Variants in TBC1D1 observed in about 807,000 individuals in gnomAD.
TBC1D1 encodes TBC1 domain family member 1.
TBC1D1 carries 89 observed loss-of-function variants against 125.6 expected under a neutral mutation model. The observed-to-expected ratio is 0.71, with a 90% CI of 0.60 to 0.85. The LOEUF (loss-of-function observed/expected upper bound fraction) is 0.85. Among genes scored for constraint, TBC1D1 ranks in the 40% least tolerant of loss-of-function variants. The probability of loss-of-function intolerance (pLI) is 0.00; values close to 1 mark genes in which losing one functional copy is unlikely to be tolerated. For synonymous variants in TBC1D1, 565 were observed against 564.1 expected (o/e 1.00, Z -0.02); for missense variants, 1,377 against 1,469.2 (o/e 0.94, Z 1.03).
chr4:38,097,184 T>C (rs1759493794), intron 14 of TBC1D1, among the ~76,000 whole-genome samples: 1 of 152,128 alleles, frequency 6.6e-6, no homozygotes, highest in African/African-American at 2.4e-5. Context: ...TTTTTTGAGA[T>C]GTAGTTTCAC....
chr4:37,979,043 A>T (rs1733837519), intron 2 of TBC1D1, among the ~76,000 whole-genome samples: 1 of 151,920 alleles, frequency 6.6e-6, no homozygotes, highest in Non-Finnish European at 1.5e-5. Context: ...CTCCCAGCTA[A>T]TTTTTGTATT....
rs1258449529 is a variant in TBC1D1 at position 38,049,663 on chromosome 4, T to C, written c.1675T>C (p.Ser559Pro). The stretch of plus-strand genomic sequence containing the variant: ...GGAGGCCTTGCCCATCTCTGAGAGC[T>C]CCTTTAAGCTCCTCGGCTCCTCGGA... Residue 559 changes from serine to proline, a missense_variant, in exon 11 of 20, where the codon TCC becomes CCC. Transcript: ENST00000261439. 7.4e-6 allele frequency: 12 copies of C among 1,613,232 alleles called. No individual in the cohort carries two copies. In the Admixed American group the frequency reaches 1.2e-4, roughly 16 times the overall value.
At chr4:38,116,226 G>A (rs898520630) in intron 16 of TBC1D1, among the ~76,000 whole-genome samples, 2 of 152,162 alleles carry the variant, frequency 1.3e-5, no homozygotes, top group African/African-American at 4.8e-5. Context: ...GCAAGTGTCA[G>A]AGCTGGACTG....
intron 1 of TBC1D1, among the ~76,000 whole-genome samples, chr4:37,894,396 G>A (rs1398029022): frequency 1.3e-5 from 2 of 152,070 alleles, no homozygotes; most frequent in Admixed American, 1.3e-4. Flanking sequence ...GTCATATTTG[G>A]GCCAACTGAA....
At chr4:37,962,570 A>C (rs2152333967) in intron 2 of TBC1D1, among the ~76,000 whole-genome samples, 1 of 152,352 alleles carries the variant, frequency 6.6e-6, no homozygotes, top group South Asian at 2.1e-4. Context: ...TAGCATAGTA[A>C]GGATCTAAAT....
intron 2 of TBC1D1, among the ~76,000 whole-genome samples, chr4:37,910,566 T>G (rs1718368580): frequency 6.6e-6 from 1 of 152,222 alleles, no homozygotes; most frequent in African/African-American, 2.4e-5. Context: ...ACTTTGCATG[T>G]TCTCACTTAT....
At chr4:37,892,641 C>T (rs755676937) in intron 1 of TBC1D1, among the ~76,000 whole-genome samples, 4 of 152,192 alleles carry the variant, frequency 2.6e-5, no homozygotes, top group African/African-American at 9.7e-5. Flanking sequence ...TATTACATTA[C>T]GTTTTCAAAG....
At chr4:37,897,586 C>G (rs1714929041) in intron 1 of TBC1D1, among the ~76,000 whole-genome samples, 1 of 152,196 alleles carries the variant, frequency 6.6e-6, no homozygotes, top group South Asian at 2.1e-4. Context: ...TTATTATCAA[C>G]TGATTTAAAT....
At chr4:38,059,185 A>G (rs1443914730) in intron 12 of TBC1D1, among the ~76,000 whole-genome samples, 3 of 152,226 alleles carry the variant, frequency 2.0e-5, no homozygotes, top group Non-Finnish European at 4.4e-5. Context: ...TAGCTCCAGG[A>G]CAAATATTCC....
rs75651979 is a variant in TBC1D1 at position 37,949,196 on chromosome 4, C to A, written c.417+46684C>A. Reference sequence around the variant, plus strand: ...CTATTTATTTGCAGATCATCTGGTTCATTTTGTATTTAACAAAATATGTGG... The same window carrying A: ...CTATTTATTTGCAGATCATCTGGTTAATTTTGTATTTAACAAAATATGTGG... On this transcript the variant is annotated intron_variant, in intron 2 of 19. Transcript: ENST00000261439. 8.5e-3 allele frequency among the ~76,000 whole-genome samples: 1,296 copies of A among 152,258 alleles called. 12 individuals carry two copies. Among genetic ancestry groups the A allele is most frequent in the Non-Finnish European group, 0.013 (856 of 68,018 alleles).
At chr4:38,052,723 C>CGCGCGCGCGT (rs1560698644) in intron 11 of TBC1D1, among the ~76,000 whole-genome samples, 1 of 74,840 alleles carries the variant, frequency 1.3e-5, no homozygotes, top group African/African-American at 7.1e-5. Flanking sequence ...CGCGCGCGCG[C>CGCGCGCGCGT]GCGCGCACAC....
At chr4:38,043,502 G>A (rs949922359) in intron 8 of TBC1D1, among the ~76,000 whole-genome samples, 6 of 151,172 alleles carry the variant, frequency 4.0e-5, no homozygotes, top group African/African-American at 1.5e-4. Context: ...AGGATTGCTT[G>A]AACCTGGGAG....
At chr4:37,954,470 T>C (rs1227895305) in intron 2 of TBC1D1, among the ~76,000 whole-genome samples, 3 of 152,090 alleles carry the variant, frequency 2.0e-5, no homozygotes, top group African/African-American at 7.2e-5. Context: ...AAGGTCTACG[T>C]CTATTGTCTG....
chr4:38,105,797 G>A (rs186359727), intron 15 of TBC1D1, among the ~76,000 whole-genome samples: 1 of 152,282 alleles, frequency 6.6e-6, no homozygotes, highest in African/African-American at 2.4e-5. Flanking sequence ...GCAGAGTATT[G>A]CATGGTGTCC....
intron 12 of TBC1D1, among the ~76,000 whole-genome samples, chr4:38,076,471 G>A (rs112472351): frequency 5.3e-5 from 8 of 152,222 alleles, no homozygotes; most frequent in Non-Finnish European, 7.4e-5. Context: ...TGATCCTCCC[G>A]CACCCGTCTT....
chr4:37,932,874 T>C (rs1373007171), intron 2 of TBC1D1, among the ~76,000 whole-genome samples: 1 of 152,090 alleles, frequency 6.6e-6, no homozygotes, highest in Non-Finnish European at 1.5e-5. Context: ...CTGGCCAACA[T>C]GGTGAAACCC....
chr4:38,019,826 A>C (rs73241057), intron 4 of TBC1D1, among the ~76,000 whole-genome samples: 413 of 152,256 alleles, frequency 2.7e-3, no homozygotes, highest in Non-Finnish European at 4.0e-3. Context: ...TGTGCATGTA[A>C]TTTTTGACTC....
chr4:37,949,534 GTC>G (rs2152316085), intron 2 of TBC1D1, among the ~76,000 whole-genome samples: 1 of 152,288 alleles, frequency 6.6e-6, no homozygotes, highest in African/African-American at 2.4e-5. Context: ...TTAACCACCA[GTC>G]TCTCTGCTTC....
At position 37,974,528 on chromosome 4, in the gene TBC1D1, C is replaced by CACGCCCAGCCTCTCT. The variant is rs1243769356; in HGVS notation, c.418-39980_418-39979insCGCCCAGCCTCTCTA. Among the ~76,000 whole-genome samples the CACGCCCAGCCTCTCT allele has an allele frequency of 5.9e-5, 9 of 151,512 alleles. No individual in the cohort carries two copies. The South Asian group carries it at 6.3e-4, about 11-fold the overall frequency. ...TGCTGGGATTACAGGCATGAGCCAC[C>CACGCCCAGCCTCTCT]ATGCATGGCCTGATATTACTCTTGA... is the stretch of plus-strand genomic sequence containing the variant. On this transcript the variant is annotated intron_variant, in intron 2 of 19. Coordinates refer to ENST00000261439, the MANE Select transcript of TBC1D1 (RefSeq NM_015173.4).
Sources: gnomAD v4.1 joint callset for allele counts (sites outside exome capture counted in the v4.1 genomes callset) on GRCh38, gnomAD v4.1.1 for gene constraint, MANE v1.5 for transcripts, NCBI Gene and HGNC (gene_info 2026-07-23, HGNC 2026-07-21) for gene names.